Variants in DDX18 observed in about 807,000 individuals in gnomAD.
DDX18 encodes the protein ATP-dependent RNA helicase DDX18.
A neutral mutation model predicts 73.5 loss-of-function variants in DDX18; 23 were observed. The observed-to-expected ratio is 0.31, with a 90% CI of 0.23 to 0.44. DDX18 has a LOEUF of 0.44. Ranked by LOEUF, DDX18 falls within the 20% of genes least tolerant of loss-of-function variation. DDX18 has a pLI of 1.00. For missense variants in DDX18, 753 were observed against 792.9 expected (o/e 0.95, Z 0.60); for synonymous variants, 268 against 282.7 (o/e 0.95, Z 0.52).
chr2:117,827,773 T>C (rs1317374172), intron 11 of DDX18: 3 of 152,094 alleles, frequency 2.0e-5, no homozygotes, highest in African/African-American at 4.8e-5. Context: ...GTCTTTGTTA[T>C]TGTGAATAAA....
intron 10 of DDX18, 170 bp downstream of exon 10, chr2:117,825,769 A>C (rs1679916492): frequency 1.4e-6 from 1 of 712,178 alleles, no homozygotes. Flanking sequence ...TTCAGGGCTC[A>C]AACGGGCTGT....
In DDX18 at chr2:117,831,400, G is replaced by A. The variant is rs1420720599; in HGVS notation, c.*676G>A. On this transcript the variant is annotated 3_prime_UTR_variant, in exon 14 of 14. Coordinates refer to ENST00000263239, the MANE Select transcript of DDX18 (RefSeq NM_006773.4). Reference sequence around the variant, plus strand: ...TAAAGTGTCACTAAGCAGTTATAACGTTTGATGGCTGGGGGGTAGGAAGAG... The same window carrying A: ...TAAAGTGTCACTAAGCAGTTATAACATTTGATGGCTGGGGGGTAGGAAGAG... The A allele has an allele frequency of 4.6e-5, 7 of 152,292 alleles. 1 individual carries two copies. The highest frequency in any genetic ancestry group is 2.1e-4 in the South Asian group (1 of 4,828). 9.4% of individuals were successfully genotyped at this position (152,292 alleles called of 1,614,324 possible).
In DDX18 at chr2:117,821,218, T is replaced by C; in HGVS notation, c.572T>C (p.Leu191Pro). ...SLCNLVNENT[L>P]KAIKEMGFTN... ...TGTAATCTTGTCAATGAAAACACTC[T>C]GAAGGCAATAAAAGAAATGGGTTTT... The change falls in exon 4 of 14, where the codon CTG becomes CCG. Residue 191 changes from leucine to proline, a missense_variant. Physicochemically the swap from Leu to Pro is moderately conservative, Grantham distance 98. Coordinates refer to ENST00000263239, the MANE Select transcript of DDX18 (RefSeq NM_006773.4). The C allele has an allele frequency of 6.2e-7, 1 of 1,611,780 alleles. No individual in the cohort carries two copies. Among genetic ancestry groups the C allele is most frequent in the South Asian group, 1.1e-5 (1 of 90,498 alleles).
At chr2:117,820,314 G>A (rs917304169) in intron 3 of DDX18, among the ~76,000 whole-genome samples, 1 of 152,188 alleles carries the variant, frequency 6.6e-6, no homozygotes, top group Non-Finnish European at 1.5e-5. Flanking sequence ...CTCTCGAGCA[G>A]GGAAATTCGC....
intron 7 of DDX18, among the ~76,000 whole-genome samples, chr2:117,823,509 T>C (rs1679878918): frequency 6.6e-6 from 1 of 152,222 alleles, no homozygotes; most frequent in Non-Finnish European, 1.5e-5. Flanking sequence ...TATATTGATC[T>C]TGTATCTAGC....
chr2:117,832,003 A>C lies in DDX18; in HGVS notation c.*1279A>C, dbSNP rs575392472. ...ATTCCAGTAGGAAAAGAAAAGAACA[A>C]TCTTCCATTTCTGGGCTTGGCCACC... On this transcript the variant is annotated 3_prime_UTR_variant, in exon 14 of 14. Coordinates refer to ENST00000263239, the MANE Select transcript of DDX18 (RefSeq NM_006773.4). 4 of 152,368 alleles carry C rather than the reference A, an allele frequency of 2.6e-5. No individual in the cohort carries two copies. The highest frequency in any genetic ancestry group is 9.6e-5 in the African/African-American group (4 of 41,564). The allele number at this position is 152,368 out of a possible 1,614,324, so 9.4% of individuals were successfully genotyped here.
intron 1 of DDX18, 87 bp downstream of exon 1, chr2:117,814,949 T>C (rs1573407791): frequency 7.4e-7 from 1 of 1,354,790 alleles, no homozygotes; most frequent in Admixed American, 1.7e-5. Context: ...CTGCTCTGTG[T>C]GACGGAGGCA....
chr2:117,829,091 T>G, intron 12 of DDX18, 86 bp downstream of exon 12: 1 of 1,291,264 alleles, frequency 7.7e-7, no homozygotes, highest in Non-Finnish European at 1.1e-6. Flanking sequence ...ATCACTGTCC[T>G]TTGAAGTCTA....
chr2:117,828,893 C>A, intron 11 of DDX18, 56 bp from the exon 12 acceptor site: 1 of 1,220,662 alleles, frequency 8.2e-7, no homozygotes, highest in East Asian at 2.4e-5. Flanking sequence ...CTTCAGTACC[C>A]AGTATCGGAA....
At chr2:117,827,310 A>G (rs981858032) in intron 11 of DDX18, 2 of 152,192 alleles carry the variant, frequency 1.3e-5, no homozygotes, top group African/African-American at 4.8e-5. Flanking sequence ...ACAGGTGCTC[A>G]TCAGGTTGAC....
At chr2:117,817,413 G>A (rs1215871978) in intron 1 of DDX18, 31 bp from the exon 2 acceptor site, 9 of 1,530,520 alleles carry the variant, frequency 5.9e-6, no homozygotes, top group Non-Finnish European at 7.9e-6. Context: ...CTCCTTCTTT[G>A]TCACAGTATA....
intron 1 of DDX18, among the ~76,000 whole-genome samples, 158 bp from the exon 2 acceptor site, chr2:117,817,286 G>A (rs1274669485): frequency 6.6e-6 from 1 of 152,082 alleles, no homozygotes; most frequent in East Asian, 1.9e-4. Flanking sequence ...CCCTATAAGG[G>A]AACACCATAA....
chr2:117,826,434 A>T, intron 11 of DDX18, 52 bp downstream of exon 11: 1 of 1,535,470 alleles, frequency 6.5e-7, no homozygotes, highest in East Asian at 2.3e-5. Context: ...GATTGTTAGC[A>T]AGCAACATTT....
Position 117,817,524 on chromosome 2 carries a change from T to C in DDX18, c.166T>C (p.Ser56Pro), listed in dbSNP as rs777725876. The change falls in exon 2 of 14, where the codon TCA (serine) becomes CCA (proline). Residue 56 changes from serine to proline, a missense_variant. Physicochemically the swap from Ser to Pro is moderately conservative, Grantham distance 74 (BLOSUM62 -1). Around this residue, in one of 3 missense-constraint regions of DDX18, gnomAD observed 345 missense variants for 352.0 expected, o/e 0.98. Coordinates refer to ENST00000263239, the MANE Select transcript of DDX18 (RefSeq NM_006773.4). Reference protein sequence around the residue: ...ETMGSRKVKKSKQKPMNVGLS... With the variant: ...ETMGSRKVKKPKQKPMNVGLS... ...AATGGGAAGTAGAAAGGTTAAAAAA[T>C]CAAAACAAAAGCCCATGAATGTGGG... 2 of 1,613,388 alleles carry C rather than the reference T, an allele frequency of 1.2e-6. No individual in the cohort carries two copies. The highest frequency in any genetic ancestry group is 8.5e-7 in the Non-Finnish European group (1 of 1,179,852).
At chr2:117,818,948 C>T (rs776146609) in intron 2 of DDX18, among the ~76,000 whole-genome samples, 10 of 152,134 alleles carry the variant, frequency 6.6e-5, no homozygotes, top group Non-Finnish European at 1.2e-4. Context: ...GAAGGGTGGC[C>T]GTCAGGTACA....
Position 117,815,018 on chromosome 2 carries a change from C to T in DDX18, c.85+156C>T, listed in dbSNP as rs531663327. 1.1e-3 allele frequency: 781 copies of T among 687,344 alleles called. 5 individuals are homozygous for T. Among genetic ancestry groups the T allele is most frequent in the South Asian group, 9.4e-3 (529 of 56,534 alleles). 42.6% of individuals were successfully genotyped at this position (687,344 alleles called of 1,614,324 possible). ...GAAAAGGCAGCTTCCACTCGGGACC[C>T]GCGCTGCTGCCCACTCGTCGCGTGG... On this transcript the variant is annotated intron_variant, in intron 1 of 13. Transcript: ENST00000263239.
intron 9 of DDX18, 100 bp from the exon 10 acceptor site, chr2:117,825,347 G>A: frequency 1.5e-6 from 2 of 1,325,068 alleles, no homozygotes; most frequent in Admixed American, 2.3e-5. Flanking sequence ...ATAGGCCAAG[G>A]GATGAGCTCG....
chr2:117,828,560 A>G (rs1185669598), intron 11 of DDX18: 2 of 161,332 alleles, frequency 1.2e-5, no homozygotes, highest in Non-Finnish European at 2.7e-5. Flanking sequence ...CATGGCCTCC[A>G]GTGTCACAAG....
rs1407770478 is a variant in DDX18, at chr2:117,817,697, A to C, written c.339A>C (p.Lys113Asn). The change falls in exon 2 of 14, where the codon AAA becomes AAC. Residue 113 changes from lysine to asparagine, a missense_variant. By Grantham distance (94) the Lys-to-Asn change is moderately conservative. Around this residue, in one of 3 missense-constraint regions of DDX18, gnomAD observed 345 missense variants for 352.0 expected, o/e 0.98. Coordinates refer to ENST00000263239, the MANE Select transcript of DDX18 (RefSeq NM_006773.4). ...SNSESKKKKK[K>N]KRKMVNDAEP... ...CAGAATCAAAAAAGAAAAAGAAGAA[A>C]AAGAGAAAAATGGTGAATGATGCTG... 1 of 1,604,364 alleles carries C rather than the reference A, an allele frequency of 6.2e-7. No homozygotes were observed. The highest frequency in any genetic ancestry group is 8.5e-7 in the Non-Finnish European group (1 of 1,177,712).
Sources: allele counts gnomAD v4.1 joint callset (sites outside exome capture counted in the v4.1 genomes callset), GRCh38; gene constraint gnomAD v4.1.1; regional missense constraint gnomAD v4.1.1; transcripts MANE v1.5; gene names NCBI Gene and HGNC (gene_info 2026-07-23, HGNC 2026-07-21).